ITPA: variants seen among roughly 807,000 people sequenced by gnomAD.
ITPA encodes the protein inosine triphosphate pyrophosphatase.
Under a neutral mutation model 29.6 loss-of-function variants are expected in ITPA, and 29 were observed. The observed-to-expected ratio is 0.98, with a 90% CI of 0.73 to 1.34. ITPA has a LOEUF of 1.34. ITPA is among the 40% of genes most tolerant of loss of function. The pLI is 0.00. For missense variants in ITPA, 241 were observed against 251.5 expected (o/e 0.96, Z 0.28); for synonymous variants, 103 against 99.3 (o/e 1.04, Z -0.22).
Position 3,222,714 on chromosome 20 carries a change from G to T in ITPA, c.489-652G>T, listed in dbSNP as rs1179073847. Among the ~76,000 whole-genome samples, 8 of 152,322 alleles carry T rather than the reference G, an allele frequency of 5.3e-5. No homozygotes were observed. In the East Asian group the frequency reaches 1.4e-3, roughly 26 times the overall value. On this transcript the variant is annotated intron_variant, in intron 7 of 7. Coordinates refer to ENST00000380113, the MANE Select transcript of ITPA (RefSeq NM_033453.4). ...CAAGCTGGAGGGGCCCTTAGGGAGCGCAGTGTGAGGCCCCACAATAGCCCC... is the reference window on the plus strand; with the variant it reads ...CAAGCTGGAGGGGCCCTTAGGGAGCTCAGTGTGAGGCCCCACAATAGCCCC...
chr20:3,224,201 G>T (rs2067534178), downstream of ITPA, among the ~76,000 whole-genome samples: 1 of 152,198 alleles, frequency 6.6e-6, no homozygotes, highest in Non-Finnish European at 1.5e-5. Flanking sequence ...CAATTACAAT[G>T]GCCAGTTCAT....
intron 5 of ITPA, among the ~76,000 whole-genome samples, chr20:3,216,495 C>G (rs998091020): frequency 1.3e-5 from 2 of 148,432 alleles, no homozygotes; most frequent in African/African-American, 5.0e-5. Flanking sequence ...CTCTTGTTGC[C>G]CAGGCTGGAG....
downstream of ITPA, among the ~76,000 whole-genome samples, chr20:3,224,182 G>T (rs975549625): frequency 2.0e-5 from 3 of 152,166 alleles, no homozygotes; most frequent in Non-Finnish European, 4.4e-5. Context: ...CCGCGAAAAT[G>T]TTGGTTTACA....
Position 3,220,717 on chromosome 20 carries a change from T to TA in ITPA, c.412-1108dup, listed in dbSNP as rs35002933. Among the ~76,000 whole-genome samples, 573 of 141,062 alleles carry TA rather than the reference T, an allele frequency of 4.1e-3. 4 individuals are homozygous for TA. The highest frequency in any genetic ancestry group is 1.0e-2 in the African/African-American group (379 of 37,972). The allele number at this position is 141,062 out of a possible 152,430, so 92.5% of individuals were successfully genotyped here. A position where few individuals can be genotyped will look rare whatever the true frequency, so the allele number is the denominator to read the frequency against. On this transcript the variant is annotated intron_variant, in intron 6 of 7. Transcript: ENST00000380113. ...GTGTGAGCTACCACATCTGGCTAAT[T>TA]AAAAAAAAAAAAAAAATTGGTAGAG...
intron 7 of ITPA, 48 bp downstream of exon 7, chr20:3,221,965 A>G: frequency 6.3e-7 from 1 of 1,585,124 alleles, no homozygotes; most frequent in Admixed American, 1.7e-5. Flanking sequence ...TGGTACAGCC[A>G]TGGTTTGGGT....
At chr20:3,222,799 C>T (rs1324509498) in intron 7 of ITPA, among the ~76,000 whole-genome samples, 5 of 152,186 alleles carry the variant, frequency 3.3e-5, no homozygotes, top group African/African-American at 9.6e-5. Context: ...GGAGCACTTG[C>T]GTGTGGTGAG....
upstream of ITPA, chr20:3,209,442 G>T: frequency 3.8e-6 from 4 of 1,060,098 alleles, no homozygotes; most frequent in Non-Finnish European, 5.7e-6. The surrounding 1 kb of genome is among the most constrained non-coding windows in gnomAD (Gnocchi z 4.6). Context: ...GGCTTTCCCC[G>T]GGACCCCTGG....
downstream of ITPA, among the ~76,000 whole-genome samples, chr20:3,227,091 T>C (rs570179829): frequency 5.3e-5 from 8 of 152,272 alleles, no homozygotes; most frequent in African/African-American, 1.9e-4. Flanking sequence ...ACAGGGCCCT[T>C]TGCTGTCACC....
At chr20:3,213,280 C>T (rs772877398) in intron 2 of ITPA, 39 bp from the exon 3 acceptor site, 4 of 1,614,120 alleles carry the variant, frequency 2.5e-6, no homozygotes, top group Middle Eastern at 1.6e-4. Flanking sequence ...CTCTGTCTTC[C>T]TGTGACCTGA....
At chr20:3,225,625 G>A (rs937527616), downstream of ITPA, among the ~76,000 whole-genome samples, 46 of 152,244 alleles carry the variant, frequency 3.0e-4, no homozygotes, top group Non-Finnish European at 4.7e-4. Context: ...TGAATTCTCC[G>A]TAATAGCCTT....
chr20:3,215,466 G>A (rs750192307), intron 5 of ITPA, among the ~76,000 whole-genome samples, 154 bp downstream of exon 5: 7 of 152,162 alleles, frequency 4.6e-5, no homozygotes, highest in Non-Finnish European at 8.8e-5. Flanking sequence ...CCTGCAGCTC[G>A]TACCCTGTAC....
intron 1 of ITPA, among the ~76,000 whole-genome samples, chr20:3,211,252 G>A (rs2067166775): frequency 6.8e-6 from 1 of 147,956 alleles, no homozygotes; most frequent in South Asian, 2.2e-4. Flanking sequence ...TGCAACCTCC[G>A]CCTCCTGGGT....
chr20:3,221,502 T>G (rs954975276), intron 6 of ITPA, among the ~76,000 whole-genome samples: 2 of 149,400 alleles, frequency 1.3e-5, no homozygotes, highest in African/African-American at 4.9e-5. Context: ...ACGTTTTCTG[T>G]CTATCTTTCT....
At chr20:3,222,110 C>T (rs937953857) in intron 7 of ITPA, among the ~76,000 whole-genome samples, 193 bp downstream of exon 7, 1 of 152,176 alleles carries the variant, frequency 6.6e-6, no homozygotes, top group Non-Finnish European at 1.5e-5. Context: ...GTTGGGGAGG[C>T]AGCCAGATGG....
intron 4 of ITPA, among the ~76,000 whole-genome samples, chr20:3,214,432 T>C (rs1913519066): frequency 6.7e-6 from 1 of 149,080 alleles, no homozygotes; most frequent in South Asian, 2.1e-4. Flanking sequence ...AGTGGCATGA[T>C]CATAGCTCAC....
intron 5 of ITPA, among the ~76,000 whole-genome samples, chr20:3,216,154 TAAG>T (rs2067291608): frequency 8.2e-6 from 1 of 122,670 alleles, no homozygotes; most frequent in African/African-American, 3.2e-5. Context: ...GCACGCTGGC[TAAG>T]TTTTTTTTTT....
chr20:3,206,248 C>T (rs2067069454), upstream of ITPA, among the ~76,000 whole-genome samples: 1 of 150,044 alleles, frequency 6.7e-6, no homozygotes, highest in Admixed American at 6.7e-5. Context: ...ATTAGCTTGG[C>T]GTGGTGGTGG....
At position 3,223,696 on chromosome 20, in the gene ITPA, C is replaced by T; in HGVS notation, c.*234C>T. ...ATTCACTGCTCTCTCCTACAGCCGC[C>T]AGGCCTGGGGTCCTGAAAGGACCTT... On this transcript the variant is annotated 3_prime_UTR_variant, in exon 8 of 8. Transcript: ENST00000380113. The T allele has an allele frequency of 1.7e-6, 1 of 579,836 alleles. No homozygotes were observed. The highest frequency in any genetic ancestry group is 3.1e-6 in the Non-Finnish European group (1 of 323,252). The allele number at this position is 579,836 out of a possible 1,614,324, so 35.9% of individuals were successfully genotyped here.
At chr20:3,204,699 C>A, upstream of ITPA, 1 of 1,435,460 alleles carries the variant, frequency 7.0e-7, no homozygotes, top group Non-Finnish European at 9.4e-7. Flanking sequence ...CCCCTATTTC[C>A]CAATCTAGAC....
Sources: allele counts gnomAD v4.1 joint callset (sites outside exome capture counted in the v4.1 genomes callset), GRCh38; gene constraint gnomAD v4.1.1; non-coding constraint Gnocchi (gnomAD v3.1); transcripts MANE v1.5; gene names NCBI Gene and HGNC (gene_info 2026-07-23, HGNC 2026-07-21).